The following TRPC3 variants were observed in gnomAD, a reference collection of about 807,000 sequenced individuals.
TRPC3 encodes the protein transient receptor potential cation channel subfamily C member 3.
In TRPC3, 54 loss-of-function variants were observed where a neutral mutation model predicts 90.9. That is an observed-to-expected ratio of 0.59 (90% CI 0.48 to 0.75). TRPC3 has a LOEUF of 0.75. Ranked by LOEUF, TRPC3 falls within the 30% of genes least tolerant of loss-of-function variation. TRPC3 has a pLI of 0.00. For missense variants in TRPC3, 918 were observed against 1,194.5 expected, an observed-to-expected ratio of 0.77 and a Z score of 3.41; for synonymous variants, 424 against 450.9, an observed-to-expected ratio of 0.94 and a Z score of 0.75.
intron 11 of TRPC3, among the ~76,000 whole-genome samples, chr4:121,880,898 TATTTGAAAAGA>T (rs1433384731): frequency 1.3e-5 from 2 of 152,052 alleles, no homozygotes; most frequent in Non-Finnish European, 2.9e-5. Flanking sequence ...AGAGCATTTT[TATTTGAAAAGA>T]ATTCTAACTC....
intron 1 of TRPC3, among the ~76,000 whole-genome samples, chr4:121,934,388 T>C (rs537311978): frequency 2.6e-5 from 4 of 152,318 alleles, no homozygotes; most frequent in African/African-American, 9.6e-5. Context: ...GTTGCACAAA[T>C]ATTGTATAAA....
chr4:121,881,911 A>G (rs1727956418), intron 11 of TRPC3, among the ~76,000 whole-genome samples: 1 of 152,196 alleles, frequency 6.6e-6, no homozygotes, highest in Non-Finnish European at 1.5e-5. Context: ...GCACCAGACA[A>G]GAAAAACAGG....
chr4:121,932,551 G>C lies in TRPC3; in HGVS notation c.707C>G (p.Pro236Arg), dbSNP rs967375203. ...DGTRFSPDITPIILAAHCQKY... is the reference protein window; with the variant it reads ...DGTRFSPDITRIILAAHCQKY... ...CTGGCAGTGCGCCGCCAGGATGATG[G>C]GGGTGATGTCCGGCGAGAAGCGCGT... The change falls in exon 2 of 12, where the codon CCC (proline) becomes CGC (arginine). Residue 236 changes from proline to arginine, a missense_variant. Transcript: ENST00000379645. The surrounding 1 kb of genome is among the most constrained non-coding windows in gnomAD (Gnocchi z 7.7). The C allele has an allele frequency of 6.2e-7, 1 of 1,614,112 alleles. No homozygotes were observed. Among genetic ancestry groups the C allele is most frequent in the Non-Finnish European group, 8.5e-7 (1 of 1,180,040 alleles).
chr4:121,922,951 T>A (rs966967236), intron 3 of TRPC3, among the ~76,000 whole-genome samples: 1 of 152,194 alleles, frequency 6.6e-6, no homozygotes, highest in Non-Finnish European at 1.5e-5. Flanking sequence ...GACTATCTTA[T>A]GAAGTAGAGA....
chr4:121,881,256 A>G (rs2149102889), intron 11 of TRPC3, among the ~76,000 whole-genome samples: 2 of 152,308 alleles, frequency 1.3e-5, no homozygotes, highest in South Asian at 4.1e-4. Flanking sequence ...AGATTATATG[A>G]CACATTTTCT....
At chr4:121,949,284 A>G (rs1303273189) in intron 1 of TRPC3, among the ~76,000 whole-genome samples, 1 of 152,190 alleles carries the variant, frequency 6.6e-6, no homozygotes, top group African/African-American at 2.4e-5. Context: ...ACAGCAGGTG[A>G]CACTTTTCCT....
At chr4:121,905,250 G>A (rs1385726561) in intron 7 of TRPC3, among the ~76,000 whole-genome samples, 3 of 151,962 alleles carry the variant, frequency 2.0e-5, no homozygotes, top group Admixed American at 1.3e-4. Context: ...CATTGTCTCT[G>A]GGAACTAAGG....
intron 8 of TRPC3, 77 bp from the exon 9 acceptor site, chr4:121,903,138 C>A: frequency 7.5e-7 from 1 of 1,329,354 alleles, no homozygotes; most frequent in Admixed American, 2.5e-5. Context: ...AGGTTTTTTA[C>A]AATGAATCTA....
chr4:121,885,206 A>G (rs572715678), intron 10 of TRPC3, among the ~76,000 whole-genome samples: 281 of 152,322 alleles, frequency 1.8e-3, no homozygotes, highest in African/African-American at 6.6e-3. Context: ...AAGATAGTTC[A>G]TGAGAATTCT....
chr4:121,882,112 T>A (rs531602332), intron 11 of TRPC3, among the ~76,000 whole-genome samples: 1 of 152,242 alleles, frequency 6.6e-6, no homozygotes, highest in Admixed American at 6.5e-5. Flanking sequence ...ATGTCAGTCT[T>A]TACATTCTAA....
intron 1 of TRPC3, among the ~76,000 whole-genome samples, chr4:121,944,050 G>C (rs976358137): frequency 6.6e-6 from 1 of 152,098 alleles, no homozygotes; most frequent in African/African-American, 2.4e-5. Flanking sequence ...GCATAAGCGT[G>C]AAGTCAGCCA....
intron 1 of TRPC3, among the ~76,000 whole-genome samples, chr4:121,937,093 C>A (rs1460492364): frequency 6.6e-6 from 1 of 152,182 alleles, no homozygotes; most frequent in Non-Finnish European, 1.5e-5. Context: ...ACTTTGCTAT[C>A]AACTCATCTG....
In TRPC3 at chr4:121,951,402, C is replaced by G. The variant is rs1171374446; in HGVS notation, c.215+64G>C. The G allele has an allele frequency of 2.7e-6, 3 of 1,093,192 alleles. No individual in the cohort carries two copies. In the African/African-American group the frequency reaches 5.0e-5, roughly 18 times the overall value. 67.7% of individuals were successfully genotyped at this position (1,093,192 alleles called of 1,614,324 possible). ...TCGACGTGGAGCCGCCCGGCGCGCG[C>G]CTTCCCGCCCCCCGCCCGGCACCGC... On this transcript the variant is annotated intron_variant, in intron 1 of 11. Coordinates refer to ENST00000379645, the MANE Select transcript of TRPC3 (RefSeq NM_001130698.2). The surrounding 1 kb of genome is among the most constrained non-coding windows in gnomAD (Gnocchi z 4.4).
intron 1 of TRPC3, among the ~76,000 whole-genome samples, chr4:121,946,975 G>C (rs1299277112): frequency 6.6e-6 from 1 of 151,894 alleles, no homozygotes; most frequent in Admixed American, 6.6e-5. Context: ...TTGAGCTCAG[G>C]AGTTAGAGAC....
intron 1 of TRPC3, among the ~76,000 whole-genome samples, chr4:121,935,712 G>A (rs895870141): frequency 6.6e-6 from 1 of 151,940 alleles, no homozygotes; most frequent in East Asian, 1.9e-4. Context: ...GAGTATATAT[G>A]TCAGAATTTC....
At chr4:121,924,505 C>G (rs185254313) in intron 3 of TRPC3, among the ~76,000 whole-genome samples, 1 of 152,066 alleles carries the variant, frequency 6.6e-6, no homozygotes, top group Non-Finnish European at 1.5e-5. Context: ...CTTTACCCCC[C>G]ACAAAAAACT....
rs368194567 is a variant in TRPC3, at chr4:121,911,935, G to A, written c.1500C>T (p.Phe500=). ...ITVTDYPKQI[F]RVKTTQFTWT... is the part of the protein sequence containing the mutation. Reference sequence around the variant, plus strand: ...ATGTAAACTGGGTGGTTTTCACCCTGAAGATCTGTTTGGGATAGTCAGTAA... The same window carrying A: ...ATGTAAACTGGGTGGTTTTCACCCTAAAGATCTGTTTGGGATAGTCAGTAA... The change falls in exon 5 of 12, where the codon TTC becomes TTT. Residue 500 remains phenylalanine (F), a synonymous_variant. Transcript: ENST00000379645. 20 of 1,613,720 alleles carry A rather than the reference G, an allele frequency of 1.2e-5. No homozygotes were observed. The highest frequency in any genetic ancestry group is 1.6e-5 in the Non-Finnish European group (19 of 1,179,814).
rs556459056 is a variant in TRPC3 at position 121,904,225 on chromosome 4, T to G, written c.2253+97A>C. 2.6e-4 allele frequency: 283 copies of G among 1,103,288 alleles called. 2 individuals are homozygous for G. Among genetic ancestry groups the G allele is most frequent in the South Asian group, 1.1e-3 (65 of 59,830 alleles). The allele number at this position is 1,103,288 out of a possible 1,614,324, so 68.3% of individuals were successfully genotyped here. ...TCTGTGTGGATATAAGCCTCTTTGTTACATGAGCTGGAGCTCAGCCACAGG... is the reference window on the plus strand; with the variant it reads ...TCTGTGTGGATATAAGCCTCTTTGTGACATGAGCTGGAGCTCAGCCACAGG... On this transcript the variant is annotated intron_variant, in intron 8 of 11. Transcript: ENST00000379645.
intron 4 of TRPC3, among the ~76,000 whole-genome samples, chr4:121,914,324 G>A (rs187059935): frequency 7.0e-4 from 107 of 152,320 alleles, no homozygotes; most frequent in African/African-American, 2.5e-3. Flanking sequence ...ACTGTGCTTC[G>A]CACACTTAAC....
Sources: gnomAD v4.1 joint callset for allele counts (sites outside exome capture counted in the v4.1 genomes callset) on GRCh38, gnomAD v4.1.1 for gene constraint, Gnocchi (gnomAD v3.1) non-coding constraint, MANE v1.5 for transcripts, NCBI Gene and HGNC (gene_info 2026-07-23, HGNC 2026-07-21) for gene names.